TMEM108: variants seen among roughly 807,000 people sequenced by gnomAD.
TMEM108 encodes cancer/testis antigen 124.
A neutral mutation model predicts 35.1 loss-of-function variants in TMEM108; 12 were observed. The ratio of observed to expected loss-of-function variants is 0.34; its 90% CI spans 0.22 to 0.55. TMEM108 has a LOEUF of 0.55. Among genes scored for constraint, TMEM108 ranks in the 20% least tolerant of loss-of-function variants. The probability of loss-of-function intolerance (pLI) is 0.89; values close to 1 mark genes in which losing one functional copy is unlikely to be tolerated. For missense variants in TMEM108, 680 were observed against 753.3 expected (o/e 0.90, Z 1.14); for synonymous variants, 287 against 308.6 (o/e 0.93, Z 0.73).
chr3:133,319,211 G>A (rs1411959301), intron 3 of TMEM108, among the ~76,000 whole-genome samples: 3 of 152,098 alleles, frequency 2.0e-5, no homozygotes, highest in Admixed American at 6.5e-5. Flanking sequence ...TCTGAGCTGG[G>A]TCCTGCCTAA....
intron 2 of TMEM108, chr3:133,119,447 C>T (rs1367293277): frequency 1.3e-5 from 2 of 152,188 alleles, no homozygotes; most frequent in Non-Finnish European, 2.9e-5. Context: ...CCCTGATTCT[C>T]TCTTCAATAA....
At chr3:133,278,553 A>G (rs1051500277) in intron 3 of TMEM108, among the ~76,000 whole-genome samples, 2 of 152,260 alleles carry the variant, frequency 1.3e-5, no homozygotes, top group African/African-American at 2.4e-5. Flanking sequence ...GGAATAGCCT[A>G]TTGCTCCTAG....
At chr3:133,131,665 A>T (rs1322675343) in intron 2 of TMEM108, among the ~76,000 whole-genome samples, 1 of 151,574 alleles carries the variant, frequency 6.6e-6, no homozygotes, top group African/African-American at 2.4e-5. Context: ...ATTAAATTCG[A>T]CCAATTAATA....
chr3:133,108,370 T>C (rs1944183605), intron 2 of TMEM108, among the ~76,000 whole-genome samples: 1 of 152,192 alleles, frequency 6.6e-6, no homozygotes, highest in African/African-American at 2.4e-5. Flanking sequence ...TGATGGCCAG[T>C]GATGATGAGC....
chr3:133,387,085 G>T (rs2073163375), intron 4 of TMEM108: 1 of 985,492 alleles, frequency 1.0e-6, no homozygotes, highest in South Asian at 4.7e-5. Flanking sequence ...CCCCTAGGTG[G>T]AGCTTTGTCC....
At position 133,297,749 on chromosome 3, in the gene TMEM108, C is replaced by T. The variant is rs1027105952; in HGVS notation, c.40+68398C>T. 7.7e-4 allele frequency among the ~76,000 whole-genome samples: 118 copies of T among 152,264 alleles called. 1 individual carries two copies. The highest frequency in any genetic ancestry group is 2.8e-3 in the African/African-American group (115 of 41,542). ...AAGAGAGCAAAAGGAGTGGTGGGGACCACATGAACACAGAGGGCGCACACT... is the reference window on the plus strand; with the variant it reads ...AAGAGAGCAAAAGGAGTGGTGGGGATCACATGAACACAGAGGGCGCACACT... On this transcript the variant is annotated intron_variant, in intron 3 of 5. Coordinates refer to ENST00000321871, the MANE Select transcript of TMEM108 (RefSeq NM_023943.4).
At chr3:133,264,636 C>T (rs1946672102) in intron 3 of TMEM108, among the ~76,000 whole-genome samples, 1 of 152,102 alleles carries the variant, frequency 6.6e-6, no homozygotes, top group South Asian at 2.1e-4. Context: ...TAGTGATAGT[C>T]TAAGTGCATG....
intron 2 of TMEM108, among the ~76,000 whole-genome samples, chr3:133,125,614 ATCAG>A (rs1944405346): frequency 6.6e-6 from 1 of 152,208 alleles, no homozygotes; most frequent in Non-Finnish European, 1.5e-5. Flanking sequence ...AGGCTTAATT[ATCAG>A]TCAGTCAATA....
chr3:133,262,639 G>C (rs1009402843), intron 3 of TMEM108, among the ~76,000 whole-genome samples: 1 of 152,220 alleles, frequency 6.6e-6, no homozygotes, highest in Non-Finnish European at 1.5e-5. Context: ...GCTACTAACT[G>C]TCATTAGAGA....
chr3:133,199,530 G>C (rs1248044448), intron 2 of TMEM108, among the ~76,000 whole-genome samples: 2 of 152,226 alleles, frequency 1.3e-5, no homozygotes, highest in Admixed American at 6.5e-5. Flanking sequence ...CTGCAGGTCT[G>C]TTGGAGTTTG....
rs139872760 is a variant in TMEM108 at position 133,259,483 on chromosome 3, T to G, written c.40+30132T>G. 4.3e-3 allele frequency among the ~76,000 whole-genome samples: 653 copies of G among 152,316 alleles called. 2 individuals carry two copies. Among genetic ancestry groups the G allele is most frequent in the African/African-American group, 0.015 (606 of 41,568 alleles). On this transcript the variant is annotated intron_variant, in intron 3 of 5. Coordinates refer to ENST00000321871, the MANE Select transcript of TMEM108 (RefSeq NM_023943.4). ...ATATTTACGTAAGAGGTAGGTGGTG[T>G]TATCCCCATTATACAGTTGAGGAAA...
At chr3:133,088,426 C>G (rs1449513491) in intron 2 of TMEM108, among the ~76,000 whole-genome samples, 1 of 152,048 alleles carries the variant, frequency 6.6e-6, no homozygotes, top group Non-Finnish European at 1.5e-5. Context: ...ATAACATTAG[C>G]CTTGAAAGAG....
intron 3 of TMEM108, among the ~76,000 whole-genome samples, chr3:133,338,533 C>G (rs11720441): frequency 0.31 from 46,496 of 151,946 alleles, 7,833 homozygotes; most frequent in East Asian, 0.47. Context: ...AACATTAGAT[C>G]TGTCCTACAA....
chr3:133,192,983 A>G (rs1363890033), intron 2 of TMEM108, among the ~76,000 whole-genome samples: 1 of 152,170 alleles, frequency 6.6e-6, no homozygotes. Context: ...GCAGAAAGGT[A>G]GAAAAATCCA....
intron 2 of TMEM108, among the ~76,000 whole-genome samples, chr3:133,095,527 A>C (rs1944001685): frequency 6.6e-6 from 1 of 152,080 alleles, no homozygotes; most frequent in South Asian, 2.1e-4. Flanking sequence ...TATTATAGTT[A>C]TATAACTCAC....
intron 2 of TMEM108, among the ~76,000 whole-genome samples, chr3:133,179,298 A>G (rs376245243): frequency 6.6e-5 from 10 of 151,156 alleles, no homozygotes; most frequent in Middle Eastern, 3.4e-3. Flanking sequence ...CAGCCATCCC[A>G]TTACTGGGTA....
chr3:133,319,249 TA>T (rs2107717407), intron 3 of TMEM108, among the ~76,000 whole-genome samples: 1 of 152,336 alleles, frequency 6.6e-6, no homozygotes, highest in South Asian at 2.1e-4. Flanking sequence ...GATTTTTCTC[TA>T]CCTGTCCCGG....
chr3:133,160,054 G>A (rs1006585535), intron 2 of TMEM108, among the ~76,000 whole-genome samples: 2 of 152,184 alleles, frequency 1.3e-5, no homozygotes, highest in African/African-American at 2.4e-5. Flanking sequence ...GTTGACAGAC[G>A]CCTTCTTTGT....
intron 3 of TMEM108, among the ~76,000 whole-genome samples, chr3:133,374,561 TATAC>T (rs796644242): frequency 0.077 from 6,129 of 79,810 alleles, 348 homozygotes; most frequent in African/African-American, 0.18. Context: ...TATATATATA[TATAC>T]ACACACACAC....
Sources: allele counts gnomAD v4.1 joint callset (sites outside exome capture counted in the v4.1 genomes callset), GRCh38; gene constraint gnomAD v4.1.1; transcripts MANE v1.5; gene names NCBI Gene and HGNC (gene_info 2026-07-23, HGNC 2026-07-21).